The following UNC79 variants were observed in gnomAD, a reference collection of about 807,000 sequenced individuals.
UNC79 encodes the protein protein unc-79 homolog.
UNC79 carries 37 observed loss-of-function variants against 283.1 expected under a neutral mutation model. The observed-to-expected ratio is 0.13, with a 90% CI of 0.10 to 0.17. UNC79 has a LOEUF of 0.17. Among genes scored for constraint, UNC79 ranks in the 10% least tolerant of loss-of-function variants. The probability of loss-of-function intolerance (pLI) is 1.00; values close to 1 mark genes in which losing one functional copy is unlikely to be tolerated. For missense variants in UNC79, 2,272 were observed against 3,211.1 expected (o/e 0.71, Z 7.07); for synonymous variants, 1,107 against 1,200.2 (o/e 0.92, Z 1.61).
rs1555449180 is a variant in UNC79 at position 93,550,533 on chromosome 14, A to AAAG, written c.1755+7839_1755+7840insGAA. Among the ~76,000 whole-genome samples, 84 of 122,546 alleles carry AAAG rather than the reference A, an allele frequency of 6.9e-4. 11 individuals are homozygous for AAAG. Among genetic ancestry groups the AAAG allele is most frequent in the East Asian group, 2.3e-3 (10 of 4,402 alleles). 80.4% of individuals were successfully genotyped at this position (122,546 alleles called of 152,430 possible). A position where few individuals can be genotyped will look rare whatever the true frequency, so the allele number is the denominator to read the frequency against. On this transcript the variant is annotated intron_variant, in intron 14 of 48. Transcript: ENST00000555664. ...CCGTATCAAAAAAAAAAAAAAAAAA[A>AAAG]AAAAAAAAGAGGAAGGAGTCTTCCC... is the stretch of plus-strand genomic sequence containing the variant.
intron 40 of UNC79, among the ~76,000 whole-genome samples, chr14:93,668,848 A>AT (rs2072503074): frequency 6.9e-6 from 1 of 145,268 alleles, no homozygotes. Flanking sequence ...TGTGTCCTTC[A>AT]CAAAAAAAAA....
At chr14:93,548,848 T>C (rs919626966) in intron 14 of UNC79, among the ~76,000 whole-genome samples, 1 of 152,266 alleles carries the variant, frequency 6.6e-6, no homozygotes, top group African/African-American at 2.4e-5. Flanking sequence ...TTACATATGA[T>C]TGATTATAAT....
At chr14:93,457,083 A>G (rs2056816554) in intron 1 of UNC79, among the ~76,000 whole-genome samples, 1 of 152,222 alleles carries the variant, frequency 6.6e-6, no homozygotes, top group Non-Finnish European at 1.5e-5. Flanking sequence ...TATAGCCAAG[A>G]TTCAAAACTA....
Position 93,382,671 on chromosome 14 carries a change from A to G in UNC79, c.-351+49148A>G, listed in dbSNP as rs2054688327. Among the ~76,000 whole-genome samples the G allele has an allele frequency of 2.0e-5, 3 of 152,186 alleles. No individual in the cohort carries two copies. The East Asian group carries it at 5.8e-4, about 29-fold the overall frequency. ...AAGACAGATGCAGATGCAGATGAAG[A>G]AATTGAGGCTCTGAGAGGTTAAATG... On this transcript the variant is annotated intron_variant, in intron 1 of 49. Coordinates refer to the UNC79 transcript ENST00000256339.
At chr14:93,447,815 T>G (rs904084110) in intron 1 of UNC79, among the ~76,000 whole-genome samples, 10 of 152,292 alleles carry the variant, frequency 6.6e-5, no homozygotes, top group Non-Finnish European at 1.2e-4. Context: ...TTATTCCCTC[T>G]GGCCTTCTTG....
intron 46 of UNC79, among the ~76,000 whole-genome samples, chr14:93,693,970 T>A (rs1485499362): frequency 1.3e-5 from 2 of 152,134 alleles, no homozygotes; most frequent in Non-Finnish European, 2.9e-5. Context: ...TCAAACAGAC[T>A]AGCGTGATAC....
intron 17 of UNC79, among the ~76,000 whole-genome samples, chr14:93,577,514 G>A (rs1271182433): frequency 1.3e-5 from 2 of 152,070 alleles, no homozygotes; most frequent in Non-Finnish European, 1.5e-5. Flanking sequence ...ACTTTTGTAA[G>A]TTCTCATTTT....
At chr14:93,702,581 G>A (rs1232786436) in intron 47 of UNC79, among the ~76,000 whole-genome samples, 3 of 152,202 alleles carry the variant, frequency 2.0e-5, no homozygotes, top group East Asian at 3.8e-4. Flanking sequence ...TAAAGAAAAT[G>A]TGATGAATTC....
chr14:93,518,538 C>A (rs1396684820), intron 7 of UNC79, among the ~76,000 whole-genome samples: 1 of 151,546 alleles, frequency 6.6e-6, no homozygotes, highest in Non-Finnish European at 1.5e-5. Flanking sequence ...TATGGATTTT[C>A]TGATTTCAAT....
chr14:93,550,533 A>AAAAAAGAAAAG (rs1555449179), intron 14 of UNC79, among the ~76,000 whole-genome samples: 4 of 122,574 alleles, frequency 3.3e-5, no homozygotes, highest in Non-Finnish European at 6.5e-5. Flanking sequence ...AAAAAAAAAA[A>AAAAAAGAAAAG]AAAAAAAAGA....
chr14:93,528,834 C>G (rs1255488684), intron 9 of UNC79, among the ~76,000 whole-genome samples, 188 bp downstream of exon 9: 1 of 152,046 alleles, frequency 6.6e-6, no homozygotes, highest in South Asian at 2.1e-4. Flanking sequence ...TGAAAAGTTG[C>G]AATATTTCTC....
chr14:93,348,667 T>G (rs1437803644), intron 1 of UNC79, among the ~76,000 whole-genome samples: 1 of 152,244 alleles, frequency 6.6e-6, no homozygotes, highest in African/African-American at 2.4e-5. Context: ...TCTCCTATTT[T>G]AATGATTTTA....
At chr14:93,524,701 AG>A (rs1204147530) in intron 8 of UNC79, among the ~76,000 whole-genome samples, 72 of 152,348 alleles carry the variant, frequency 4.7e-4, no homozygotes, top group African/African-American at 1.7e-3. Flanking sequence ...TTGAATGTGA[AG>A]AAAAATAATC....
intron 44 of UNC79, chr14:93,689,114 A>C: frequency 2.2e-6 from 1 of 445,724 alleles, no homozygotes; most frequent in South Asian, 6.5e-5. Flanking sequence ...TTACCACTTT[A>C]ATGCTTGATT....
intron 2 of UNC79, among the ~76,000 whole-genome samples, chr14:93,471,857 C>T (rs1205273444): frequency 6.6e-6 from 1 of 151,818 alleles, no homozygotes; most frequent in Non-Finnish European, 1.5e-5. Context: ...TTGTTGCTAT[C>T]GTTTGGGAAC....
intron 1 of UNC79, among the ~76,000 whole-genome samples, chr14:93,338,678 G>A (rs569664965): frequency 6.6e-6 from 1 of 152,300 alleles, no homozygotes; most frequent in South Asian, 2.1e-4. Context: ...AGGCCCAGGT[G>A]GGTGGATCTC....
chr14:93,691,607 T>C (rs2074705287), intron 45 of UNC79, 142 bp from the exon 49 acceptor site: 1 of 816,518 alleles, frequency 1.2e-6, no homozygotes, highest in Non-Finnish European at 2.0e-6. Flanking sequence ...TGATGAATCA[T>C]GACTTTGTAA....
chr14:93,347,869 TC>T (rs2053895740), intron 1 of UNC79, among the ~76,000 whole-genome samples: 1 of 151,818 alleles, frequency 6.6e-6, no homozygotes, highest in South Asian at 2.1e-4. Context: ...AATCAGGTGA[TC>T]CATGAATCGA....
chr14:93,351,965 GA>G (rs1345316093), intron 1 of UNC79, among the ~76,000 whole-genome samples: 3 of 152,210 alleles, frequency 2.0e-5, no homozygotes, highest in African/African-American at 4.8e-5. Flanking sequence ...AGTCTTCACA[GA>G]AACACCTAAA....
Sources: gnomAD v4.1 joint callset for allele counts (sites outside exome capture counted in the v4.1 genomes callset) on GRCh38, gnomAD v4.1.1 for gene constraint, MANE v1.5 for transcripts, NCBI Gene and HGNC (gene_info 2026-07-23, HGNC 2026-07-21) for gene names.